ADGRG7: variants seen among roughly 807,000 people sequenced by gnomAD.
ADGRG7 encodes G-protein coupled receptor 128.
A neutral mutation model predicts 88.6 loss-of-function variants in ADGRG7; 82 were observed. That is an observed-to-expected ratio of 0.93 (90% CI 0.77 to 1.11). The LOEUF is 1.11. Among genes scored for constraint, ADGRG7 ranks in the 50% most tolerant of loss-of-function variants. The probability of loss-of-function intolerance (pLI) is 0.00; values close to 1 mark genes in which losing one functional copy is unlikely to be tolerated. For synonymous variants in ADGRG7, 381 were observed against 345.2 expected (o/e 1.10, Z -1.15); for missense variants, 945 against 953.4 (o/e 0.99, Z 0.12).
At chr3:100,667,448 T>C (rs756810332) in intron 14 of ADGRG7, among the ~76,000 whole-genome samples, 25 of 152,200 alleles carry the variant, frequency 1.6e-4, no homozygotes, top group Non-Finnish European at 3.4e-4. Flanking sequence ...GATCTTGTAA[T>C]AGCTTGCTCA....
chr3:100,624,629 G>A (rs1707359126), intron 1 of ADGRG7, among the ~76,000 whole-genome samples: 1 of 152,102 alleles, frequency 6.6e-6, no homozygotes, highest in African/African-American at 2.4e-5. Flanking sequence ...GTCCTGAATG[G>A]TATTGCCTAG....
chr3:100,628,747 T>C (rs1325698781), intron 1 of ADGRG7, among the ~76,000 whole-genome samples: 1 of 152,176 alleles, frequency 6.6e-6, no homozygotes, highest in African/African-American at 2.4e-5. Flanking sequence ...AACTAGTCAT[T>C]AGATCCTAAC....
intron 1 of ADGRG7, among the ~76,000 whole-genome samples, chr3:100,618,016 G>T (rs1387137208): frequency 4.6e-5 from 7 of 152,128 alleles, no homozygotes; most frequent in South Asian, 2.1e-4. Context: ...AATGTCTTCT[G>T]TCGAGAAGTG....
chr3:100,690,726 G>C (rs1376783584), intron 15 of ADGRG7, among the ~76,000 whole-genome samples: 1 of 152,170 alleles, frequency 6.6e-6, no homozygotes, highest in African/African-American at 2.4e-5. Context: ...CGTTCCTCTG[G>C]AAGTTTTGTC....
At chr3:100,639,744 T>C (rs1282748927) in intron 6 of ADGRG7, among the ~76,000 whole-genome samples, 2 of 152,026 alleles carry the variant, frequency 1.3e-5, no homozygotes, top group Non-Finnish European at 2.9e-5. Flanking sequence ...GATTTGAACA[T>C]CACAGTTCAC....
intron 15 of ADGRG7, among the ~76,000 whole-genome samples, chr3:100,678,639 T>A (rs1038411937): frequency 2.0e-5 from 3 of 152,248 alleles, no homozygotes; most frequent in Non-Finnish European, 4.4e-5. Context: ...CTTTGGTCAC[T>A]GCAGCCATAT....
At chr3:100,684,313 G>A (rs1559692168) in intron 15 of ADGRG7, among the ~76,000 whole-genome samples, 1 of 144,496 alleles carries the variant, frequency 6.9e-6, no homozygotes, top group Non-Finnish European at 1.5e-5. Context: ...ACCCAGGCTG[G>A]AATGCAGTGA....
intron 3 of ADGRG7, among the ~76,000 whole-genome samples, 163 bp downstream of exon 3, chr3:100,630,972 T>G (rs985989225): frequency 6.6e-6 from 1 of 152,228 alleles, no homozygotes; most frequent in Admixed American, 6.5e-5. Flanking sequence ...CTTAAGGTAG[T>G]ATCTCACAAA....
At chr3:100,630,943 G>A (rs879019564) in intron 3 of ADGRG7, 134 bp downstream of exon 3, 11 of 404,400 alleles carry the variant, frequency 2.7e-5, no homozygotes, top group South Asian at 2.3e-4. Flanking sequence ...ACTCCCTTTC[G>A]TGATGCTAAT....
Position 100,659,826 on chromosome 3 carries a change from TA to T in ADGRG7, c.1964del (p.Asn655ThrfsTer4). On this transcript the variant is annotated frameshift_variant, in exon 14 of 16. Transcript: ENST00000273352. LOFTEE classifies it high-confidence loss of function. Reference protein sequence around the residue: ...TISIKVLWKNNQNLTSTKKVS... With the variant: ...TISIKVLWKNXQNLTSTKKVS... ...TCTCGATCAAAGTGCTGTGGAAGAA[TA>T]ACCAGAACCTGACAAGGTAAGATTC... 1 of 1,613,834 alleles carries T rather than the reference TA, an allele frequency of 6.2e-7. No individual in the cohort carries two copies. The highest frequency in any genetic ancestry group is 8.5e-7 in the Non-Finnish European group (1 of 1,179,904).
intron 15 of ADGRG7, among the ~76,000 whole-genome samples, chr3:100,679,517 A>G (rs913849611): frequency 6.6e-6 from 1 of 152,164 alleles, no homozygotes; most frequent in Non-Finnish European, 1.5e-5. Flanking sequence ...TTGTGTTCCC[A>G]TGGGGGAATG....
At chr3:100,691,638 C>T (rs895186543) in intron 15 of ADGRG7, among the ~76,000 whole-genome samples, 1 of 137,626 alleles carries the variant, frequency 7.3e-6, no homozygotes, top group South Asian at 2.5e-4. Context: ...ATGATCATAT[C>T]TTATGTTACT....
intron 13 of ADGRG7, among the ~76,000 whole-genome samples, chr3:100,658,602 T>C (rs1357708106): frequency 6.6e-6 from 1 of 152,170 alleles, no homozygotes; most frequent in Non-Finnish European, 1.5e-5. Flanking sequence ...TGATGTGATT[T>C]CTGCCTGGAA....
chr3:100,650,970 T>C (rs2094928546), intron 11 of ADGRG7, among the ~76,000 whole-genome samples: 1 of 152,224 alleles, frequency 6.6e-6, no homozygotes, highest in African/African-American at 2.4e-5. Flanking sequence ...TTGCCACGTC[T>C]CAGTCTTTAG....
chr3:100,672,058 T>C (rs1484337611), intron 15 of ADGRG7, among the ~76,000 whole-genome samples: 1 of 152,218 alleles, frequency 6.6e-6, no homozygotes, highest in Non-Finnish European at 1.5e-5. Flanking sequence ...TGGTTCCATA[T>C]AAAATTTAAA....
intron 15 of ADGRG7, among the ~76,000 whole-genome samples, chr3:100,690,069 G>T (rs9849962): frequency 1.2e-4 from 18 of 152,010 alleles, no homozygotes; most frequent in African/African-American, 4.1e-4. Flanking sequence ...GGCTTTGTTC[G>T]TTTCTTTTTA....
chr3:100,656,012 T>A lies in ADGRG7; in HGVS notation c.1823+17T>A. On this transcript the variant is annotated intron_variant, in intron 13 of 15. Transcript: ENST00000273352. ...AGAGAAAATGTGAGTTTATATTTTT[T>A]TAAATGTCCAATTGTTTGACCTAAA... 6.7e-7 allele frequency: 1 copy of A among 1,487,740 alleles called. No individual in the cohort carries two copies. Among genetic ancestry groups the A allele is most frequent in the Non-Finnish European group, 9.4e-7 (1 of 1,065,210 alleles). 92.2% of individuals were successfully genotyped at this position (1,487,740 alleles called of 1,614,324 possible). A position where few individuals can be genotyped will look rare whatever the true frequency, so the allele number is the denominator to read the frequency against.
intron 14 of ADGRG7, chr3:100,665,245 C>T (rs1268719082): frequency 9.3e-6 from 5 of 540,268 alleles, no homozygotes; most frequent in South Asian, 5.5e-5. Context: ...CTCTCCCATC[C>T]ATTATGTTGA....
At chr3:100,628,276 G>A (rs987984498) in intron 1 of ADGRG7, among the ~76,000 whole-genome samples, 2 of 151,672 alleles carry the variant, frequency 1.3e-5, no homozygotes, top group African/African-American at 2.4e-5. Context: ...TTTTAAAAAC[G>A]TTTGTGCAAT....
Sources: gnomAD v4.1 joint callset for allele counts (sites outside exome capture counted in the v4.1 genomes callset) on GRCh38, gnomAD v4.1.1 for gene constraint, MANE v1.5 for transcripts, NCBI Gene and HGNC (gene_info 2026-07-23, HGNC 2026-07-21) for gene names.